The following GPR39 variants were observed in gnomAD, a reference collection of about 807,000 sequenced individuals.
GPR39 encodes the protein G protein-coupled receptor 39, also known as zinc sensing receptor.
A neutral mutation model predicts 18.4 loss-of-function variants in GPR39; 23 were observed. That is an observed-to-expected ratio of 1.25 (90% confidence interval 0.90 to 1.77). GPR39 has a LOEUF of 1.77. Among genes scored for constraint, GPR39 ranks in the 40% most tolerant of loss-of-function variants. The pLI is 0.00. For missense variants in GPR39, 647 were observed against 602.4 expected, an observed-to-expected ratio of 1.07 and a Z score of -0.78; for synonymous variants, 280 against 257.9, an observed-to-expected ratio of 1.09 and a Z score of -0.82.
chr2:132,531,150 TG>T (rs1679620254), intron 1 of GPR39, among the ~76,000 whole-genome samples: 1 of 152,064 alleles, frequency 6.6e-6, no homozygotes, highest in African/African-American at 2.4e-5. Flanking sequence ...AATAAAGGGA[TG>T]GAGGAATATC....
At chr2:132,427,120 A>G (rs1270102232) in intron 1 of GPR39, among the ~76,000 whole-genome samples, 6 of 77,846 alleles carry the variant, frequency 7.7e-5, no homozygotes, top group African/African-American at 3.1e-4. Flanking sequence ...TATAATATAC[A>G]TATATAGGTA....
At chr2:132,599,443 G>T (rs539924557) in intron 1 of GPR39, among the ~76,000 whole-genome samples, 45 of 152,186 alleles carry the variant, frequency 3.0e-4, no homozygotes, top group Non-Finnish European at 3.1e-4. Context: ...ACCGTGGCTA[G>T]AGGTGGGGTC....
At chr2:132,616,867 C>T (rs759794898) in intron 1 of GPR39, among the ~76,000 whole-genome samples, 24 of 152,302 alleles carry the variant, frequency 1.6e-4, no homozygotes, top group African/African-American at 3.6e-4. Context: ...AATTGAAACA[C>T]GCTTTCTTTC....
intron 1 of GPR39, among the ~76,000 whole-genome samples, chr2:132,555,366 C>T (rs1219695100): frequency 6.6e-6 from 1 of 152,130 alleles, no homozygotes; most frequent in African/African-American, 2.4e-5. Flanking sequence ...GGTTGGCCTG[C>T]TGTGTTTCAG....
intron 1 of GPR39, among the ~76,000 whole-genome samples, chr2:132,532,760 A>G (rs1313360644): frequency 6.6e-6 from 1 of 152,196 alleles, no homozygotes; most frequent in Admixed American, 6.5e-5. Context: ...GATTATCTCA[A>G]TAGATGCAGA....
At chr2:132,638,107 G>A (rs1338547559) in intron 1 of GPR39, among the ~76,000 whole-genome samples, 4 of 152,042 alleles carry the variant, frequency 2.6e-5, no homozygotes, top group Admixed American at 6.6e-5. Flanking sequence ...AAAAATAAGA[G>A]GAAAGGGGAG....
chr2:132,583,382 C>CA (rs10707930), intron 1 of GPR39, among the ~76,000 whole-genome samples: 26,504 of 143,180 alleles, frequency 0.19, 2,397 homozygotes, highest in Middle Eastern at 0.26. Context: ...ACATATCCCT[C>CA]AAAAAAAAAA....
At chr2:132,570,016 C>T (rs994410058) in intron 1 of GPR39, among the ~76,000 whole-genome samples, 11 of 152,118 alleles carry the variant, frequency 7.2e-5, no homozygotes, top group African/African-American at 2.4e-4. Context: ...AGTGGGAAAG[C>T]GGACTACGAA....
intron 1 of GPR39, among the ~76,000 whole-genome samples, chr2:132,569,988 G>C (rs1185394998): frequency 2.6e-5 from 4 of 152,134 alleles, no homozygotes; most frequent in African/African-American, 7.2e-5. Context: ...GCCCAGTCTC[G>C]GGTTTGTCTT....
chr2:132,615,463 T>C (rs1236061823), intron 1 of GPR39, among the ~76,000 whole-genome samples: 2 of 152,176 alleles, frequency 1.3e-5, no homozygotes, highest in East Asian at 3.9e-4. Context: ...GCAGAAGGGC[T>C]GAGCAGCAGA....
At chr2:132,439,033 A>G (rs1680385256) in intron 1 of GPR39, among the ~76,000 whole-genome samples, 1 of 152,234 alleles carries the variant, frequency 6.6e-6, no homozygotes, top group African/African-American at 2.4e-5. Context: ...TCATAATAAC[A>G]TTCATAAGAG....
In GPR39 at chr2:132,417,597, C is replaced by T. The variant is rs1679930652; in HGVS notation, c.555C>T (p.Ser185=). Residue 185 remains serine (S), a synonymous_variant, in exon 1 of 2, where the codon AGC becomes AGT. Coordinates refer to ENST00000329321, the MANE Select transcript of GPR39 (RefSeq NM_001508.3). ...GTEYPLVNVP[S]HRGLTCNRSS... is the part of the protein sequence containing the mutation. ...AGTACCCCCTGGTGAACGTGCCCAG[C>T]CACCGGGGTCTCACTTGCAACCGCT... The T allele has an allele frequency of 6.2e-7, 1 of 1,614,134 alleles. No individual in the cohort carries two copies. The highest frequency in any genetic ancestry group is 8.5e-7 in the Non-Finnish European group (1 of 1,180,028).
At chr2:132,633,047 G>A (rs576454023) in intron 1 of GPR39, among the ~76,000 whole-genome samples, 9 of 152,100 alleles carry the variant, frequency 5.9e-5, no homozygotes, top group Non-Finnish European at 1.3e-4. Flanking sequence ...TGTACACTTT[G>A]CCTGAAGAAT....
Position 132,416,872 on chromosome 2 carries a change from A to G in GPR39, c.-171A>G, listed in dbSNP as rs572326796. The G allele has an allele frequency of 4.5e-6, 4 of 889,190 alleles. No individual in the cohort carries two copies. The African/African-American group carries it at 5.0e-5, about 11-fold the overall frequency. The allele number at this position is 889,190 out of a possible 1,614,324, so 55.1% of individuals were successfully genotyped here. On this transcript the variant is annotated 5_prime_UTR_variant, in exon 1 of 2. Transcript: ENST00000329321. ...TCTCCTAGGTTGGGCTGCTCCAGCA[A>G]GTTTCCATGAAAGCACCTGAAATAC...
At chr2:132,475,717 G>A (rs1031226870) in intron 1 of GPR39, among the ~76,000 whole-genome samples, 3 of 152,188 alleles carry the variant, frequency 2.0e-5, no homozygotes, top group African/African-American at 7.2e-5. Flanking sequence ...GATTTTCAGT[G>A]CAGTTGGCCC....
At chr2:132,545,655 C>CGT (rs35108024) in intron 1 of GPR39, among the ~76,000 whole-genome samples, 41,063 of 149,530 alleles carry the variant, frequency 0.27, 6,625 homozygotes, top group Non-Finnish European at 0.38. Context: ...GTGTGATGGG[C>CGT]GTGTGTGTGT....
At chr2:132,529,000 G>C (rs1185158356) in intron 1 of GPR39, among the ~76,000 whole-genome samples, 1 of 152,112 alleles carries the variant, frequency 6.6e-6, no homozygotes, top group Non-Finnish European at 1.5e-5. Context: ...CATCTCACTG[G>C]GGAGTGCCAG....
intron 1 of GPR39, among the ~76,000 whole-genome samples, chr2:132,586,837 T>A (rs528470016): frequency 6.6e-6 from 1 of 152,338 alleles, no homozygotes; most frequent in Admixed American, 6.5e-5. Context: ...GTACCTGGTT[T>A]CAAATGACTC....
intron 1 of GPR39, among the ~76,000 whole-genome samples, chr2:132,564,413 T>C (rs899754253): frequency 1.3e-5 from 2 of 152,268 alleles, no homozygotes; most frequent in Admixed American, 6.5e-5. Flanking sequence ...AATTTCTGGG[T>C]CATTTCTTAT....
Sources: gnomAD v4.1 joint callset for allele counts (sites outside exome capture counted in the v4.1 genomes callset) on GRCh38, gnomAD v4.1.1 for gene constraint, MANE v1.5 for transcripts, NCBI Gene and HGNC (gene_info 2026-07-23, HGNC 2026-07-21) for gene names.